TOMM5: variants seen among roughly 807,000 people sequenced by gnomAD.
TOMM5 encodes the protein mitochondrial import receptor subunit TOM5 homolog.
In TOMM5, 1 loss-of-function variant was observed where a neutral mutation model predicts 4.8. The observed-to-expected ratio is 0.21, with a 90% CI of 0.07 to 0.99. The LOEUF (loss-of-function observed/expected upper bound fraction) is 0.99. Ranked by LOEUF, TOMM5 falls within the 50% of genes least tolerant of loss-of-function variation. The pLI, the probability that TOMM5 is intolerant of heterozygous loss-of-function variation, is 0.60. For missense variants in TOMM5, 60 were observed against 66.6 expected, an observed-to-expected ratio of 0.90 and a Z score of 0.35; for synonymous variants, 26 against 26.7, an observed-to-expected ratio of 0.97 and a Z score of 0.08.
intron 1 of TOMM5, among the ~76,000 whole-genome samples, chr9:37,591,069 C>T (rs1398752542): frequency 6.6e-6 from 1 of 152,182 alleles, no homozygotes; most frequent in Non-Finnish European, 1.5e-5. Context: ...CATAAAGCTG[C>T]TTCCAGTTCT....
chr9:37,591,305 AT>A (rs1359863262), intron 1 of TOMM5, among the ~76,000 whole-genome samples: 8 of 151,912 alleles, frequency 5.3e-5, no homozygotes, highest in South Asian at 2.1e-4. Context: ...CTTTTTTCCC[AT>A]TTTTTTCCAA....
Position 37,588,798 on chromosome 9 carries a change from A to G in TOMM5, c.*100T>C, listed in dbSNP as rs747675228. 7 of 1,205,390 alleles carry G rather than the reference A, an allele frequency of 5.8e-6. No homozygotes were observed. In the African/African-American group the frequency reaches 7.4e-5, roughly 13 times the overall value. 74.7% of individuals were successfully genotyped at this position (1,205,390 alleles called of 1,614,324 possible). On this transcript the variant is annotated 3_prime_UTR_variant, in exon 2 of 2. Coordinates refer to ENST00000321301, the MANE Select transcript of TOMM5 (RefSeq NM_001001790.3). ...ACAAGCAGAATTTTATGTCCATTCA[A>G]AGAGTCTCTTACACCTTTCTGGGCC...
At position 37,592,404 on chromosome 9, in the gene TOMM5, ACACT is replaced by A; in HGVS notation, c.121+4_121+7del. ...TGGTCTCACAGTCACAGCCCGGGAG[ACACT>A]CACTGACTCGCAGGAGGGCCACGTA... On this transcript the variant is annotated splice_donor_5th_base_variant and intron_variant, in intron 1 of 1. Coordinates refer to ENST00000321301, the MANE Select transcript of TOMM5 (RefSeq NM_001001790.3). 6.2e-7 allele frequency: 1 copy of A among 1,613,902 alleles called. No individual in the cohort carries two copies. Among genetic ancestry groups the A allele is most frequent in the Non-Finnish European group, 8.5e-7 (1 of 1,179,936 alleles).
chr9:37,592,229 G>C (rs1823114572), intron 1 of TOMM5, 183 bp downstream of exon 1: 1 of 1,534,758 alleles, frequency 6.5e-7, no homozygotes, highest in Non-Finnish European at 8.8e-7. Flanking sequence ...GTGCACTTCA[G>C]TGCCCGGACC....
chr9:37,592,312 T>A, intron 1 of TOMM5, 100 bp downstream of exon 1: 1 of 1,585,122 alleles, frequency 6.3e-7, no homozygotes, highest in African/African-American at 1.3e-5. Flanking sequence ...CCCGCTACCG[T>A]TCAGCTCAGT....
intron 1 of TOMM5, 50 bp from the exon 2 acceptor site, chr9:37,588,982 G>A: frequency 1.4e-6 from 2 of 1,454,814 alleles, no homozygotes; most frequent in Non-Finnish European, 1.9e-6. Flanking sequence ...TTAGCCCATA[G>A]GCTACATTAT....
At position 37,592,348 on chromosome 9, in the gene TOMM5, G is replaced by T; in HGVS notation, c.121+64C>A. The T allele has an allele frequency of 3.1e-6, 5 of 1,610,022 alleles. 2 individuals are homozygous for T. The Middle Eastern group carries it at 8.3e-4, about 266-fold the overall frequency. ...TCGAAGGCCCCGATGACCCCTTAGAGTTAAGGGGTGCCCGTCGGTGAGCTC... is the reference window on the plus strand; with the variant it reads ...TCGAAGGCCCCGATGACCCCTTAGATTTAAGGGGTGCCCGTCGGTGAGCTC... On this transcript the variant is annotated intron_variant, in intron 1 of 1. Transcript: ENST00000321301.
rs1268547100 is a variant in TOMM5 at position 37,588,709 on chromosome 9, T to C, written c.*189A>G. 4.3e-6 allele frequency: 3 copies of C among 705,244 alleles called. No individual in the cohort carries two copies. Among genetic ancestry groups the C allele is most frequent in the Non-Finnish European group, 7.7e-6 (3 of 387,542 alleles). 43.7% of individuals were successfully genotyped at this position (705,244 alleles called of 1,614,324 possible). A position where few individuals can be genotyped will look rare whatever the true frequency, so the allele number is the denominator to read the frequency against. On this transcript the variant is annotated 3_prime_UTR_variant, in exon 2 of 2. Coordinates refer to ENST00000321301, the MANE Select transcript of TOMM5 (RefSeq NM_001001790.3). ...CACCAGATCACGAGACATCGTTTCA[T>C]ACTTCCCAAATAGTTTTATATTTTA...
intron 1 of TOMM5, among the ~76,000 whole-genome samples, chr9:37,591,151 T>C (rs966948378): frequency 1.3e-5 from 2 of 152,194 alleles, no homozygotes; most frequent in African/African-American, 4.8e-5. Flanking sequence ...AAGTTCTCAT[T>C]TGTAAAATGA....
chr9:37,588,715 C>G lies in TOMM5; in HGVS notation c.*183G>C, dbSNP rs1823054520. 13 of 709,052 alleles carry G rather than the reference C, an allele frequency of 1.8e-5. No individual in the cohort carries two copies. The highest frequency in any genetic ancestry group is 3.3e-5 in the Non-Finnish European group (13 of 389,948). 43.9% of individuals were successfully genotyped at this position (709,052 alleles called of 1,614,324 possible). The stretch of plus-strand genomic sequence containing the variant: ...ATCACGAGACATCGTTTCATACTTC[C>G]CAAATAGTTTTATATTTTAGCTTTG... On this transcript the variant is annotated 3_prime_UTR_variant, in exon 2 of 2. Coordinates refer to ENST00000321301, the MANE Select transcript of TOMM5 (RefSeq NM_001001790.3).
intron 1 of TOMM5, among the ~76,000 whole-genome samples, chr9:37,591,897 AATTACTTGAG>A (rs1823109119): frequency 6.6e-6 from 1 of 151,986 alleles, no homozygotes; most frequent in Non-Finnish European, 1.5e-5. Flanking sequence ...CTCTAGGGAT[AATTACTTGAG>A]CTCTTTCAGC....
chr9:37,591,556 G>T (rs1212015670), intron 1 of TOMM5, among the ~76,000 whole-genome samples: 1 of 151,994 alleles, frequency 6.6e-6, no homozygotes, highest in Admixed American at 6.6e-5. Context: ...GCCGGGCGTG[G>T]TGGCGCGCGC....
Position 37,592,393 on chromosome 9 carries a change from C to A in TOMM5, c.121+19G>T, listed in dbSNP as rs1461692584. On this transcript the variant is annotated intron_variant, in intron 1 of 1. Coordinates refer to ENST00000321301, the MANE Select transcript of TOMM5 (RefSeq NM_001001790.3). ...GAGCTCCCCGCTGGTCTCACAGTCACAGCCCGGGAGACACTCACTGACTCG... is the reference window on the plus strand; with the variant it reads ...GAGCTCCCCGCTGGTCTCACAGTCAAAGCCCGGGAGACACTCACTGACTCG... 6.2e-7 allele frequency: 1 copy of A among 1,613,846 alleles called. No individual in the cohort carries two copies. The highest frequency in any genetic ancestry group is 1.3e-5 in the African/African-American group (1 of 74,928).
intron 1 of TOMM5, among the ~76,000 whole-genome samples, chr9:37,591,715 G>T (rs957642488): frequency 5.3e-5 from 8 of 149,772 alleles, no homozygotes; most frequent in African/African-American, 1.7e-4. Context: ...AAAAAGAAAA[G>T]AAAAGAAAGG....
chr9:37,591,723 A>T (rs1823106123), intron 1 of TOMM5, among the ~76,000 whole-genome samples: 1 of 151,414 alleles, frequency 6.6e-6, no homozygotes. Flanking sequence ...AAGAAAAGAA[A>T]GGGAAGGAAC....
At chr9:37,591,646 T>G (rs1209284699) in intron 1 of TOMM5, among the ~76,000 whole-genome samples, 1 of 148,536 alleles carries the variant, frequency 6.7e-6, no homozygotes, top group Non-Finnish European at 1.5e-5. Context: ...GAGCCAAGAC[T>G]GCGCCACTGC....
At chr9:37,592,368 G>A (rs374833794) in intron 1 of TOMM5, 44 bp downstream of exon 1, 2 of 1,612,994 alleles carry the variant, frequency 1.2e-6, no homozygotes, top group African/African-American at 2.7e-5. Context: ...GCCCGTCGGT[G>A]AGCTCCCCGC....
In TOMM5 at chr9:37,588,656, G is replaced by A; in HGVS notation, c.*242C>T. On this transcript the variant is annotated 3_prime_UTR_variant, in exon 2 of 2. Coordinates refer to ENST00000321301, the MANE Select transcript of TOMM5 (RefSeq NM_001001790.3). ...ATTTACAATTATACCAGTATTGTCA[G>A]AGGCCAAACGTCACAGGGATAAGGG... The A allele has an allele frequency of 1.5e-6, 1 of 666,544 alleles. No homozygotes were observed. Among genetic ancestry groups the A allele is most frequent in the South Asian group, 1.5e-5 (1 of 64,652 alleles). The allele number at this position is 666,544 out of a possible 1,614,324, so 41.3% of individuals were successfully genotyped here.
Position 37,588,882 on chromosome 9 carries a change from A to G in TOMM5, c.*16T>C. On this transcript the variant is annotated 3_prime_UTR_variant, in exon 2 of 2. Transcript: ENST00000321301. The stretch of plus-strand genomic sequence containing the variant: ...CAGGCTCTTCATATCGTGCATTCAT[A>G]TGTGATGTCCTGTCTTCATATGCTG... The G allele has an allele frequency of 6.2e-7, 1 of 1,613,698 alleles. No homozygotes were observed. The highest frequency in any genetic ancestry group is 8.5e-7 in the Non-Finnish European group (1 of 1,179,576).
Sources: allele counts gnomAD v4.1 joint callset (sites outside exome capture counted in the v4.1 genomes callset), GRCh38; gene constraint gnomAD v4.1.1; transcripts MANE v1.5; gene names NCBI Gene and HGNC (gene_info 2026-07-23, HGNC 2026-07-21).